The following KLHL8 variants were observed in gnomAD, a reference collection of about 807,000 sequenced individuals.
The protein encoded by KLHL8 is kelch-like protein 8.
Under a neutral mutation model 63.5 loss-of-function variants are expected in KLHL8, and 38 were observed. The ratio of observed to expected loss-of-function variants is 0.60; its 90% confidence interval spans 0.46 to 0.78. KLHL8 has a LOEUF of 0.78. Ranked by LOEUF, KLHL8 falls within the 30% of genes least tolerant of loss-of-function variation. The pLI is 0.00. For missense variants in KLHL8, 566 were observed against 752.4 expected (o/e 0.75, Z 2.90); for synonymous variants, 224 against 254.3 (o/e 0.88, Z 1.13).
chr4:87,189,836 T>C, intron 2 of KLHL8, among the ~76,000 whole-genome samples: 1 of 151,634 alleles, frequency 6.6e-6, no homozygotes, highest in East Asian at 1.9e-4. Flanking sequence ...GAGACCATCC[T>C]GGCTAACATG....
rs763617321 is a variant in KLHL8, at chr4:87,178,592, A to C, written c.981T>G (p.Gly327=). ...AGVLFCVGGR[G]GSGDPFRSIE... ...TACTGCGAAAGGGGTCACCAGATCC[A>C]CCTCGACCACCTACACAAAACAGCA... is the stretch of plus-strand genomic sequence containing the variant. The change falls in exon 5 of 10, where the codon GGT becomes GGG. Residue 327 remains glycine (G), a synonymous_variant. Coordinates refer to ENST00000273963, the MANE Select transcript of KLHL8 (RefSeq NM_020803.5). 1.2e-6 allele frequency: 2 copies of C among 1,604,610 alleles called. No homozygotes were observed. Among genetic ancestry groups the C allele is most frequent in the East Asian group, 4.5e-5 (2 of 44,208 alleles).
rs1296150960 is a variant in KLHL8 at position 87,161,470 on chromosome 4, T to C, written c.*2049A>G. The C allele has an allele frequency of 6.6e-6, 1 of 152,162 alleles. No homozygotes were observed. The highest frequency in any genetic ancestry group is 2.4e-5 in the African/African-American group (1 of 41,440). The allele number at this position is 152,162 out of a possible 1,614,324, so 9.4% of individuals were successfully genotyped here. A position where few individuals can be genotyped will look rare whatever the true frequency, so the allele number is the denominator to read the frequency against. ...ACCAACTTAGTATGTTAGATAACCA[T>C]TGTATAGTAAAAACCAGAAATGAAA... On this transcript the variant is annotated 3_prime_UTR_variant, in exon 10 of 10. Transcript: ENST00000273963.
intron 1 of KLHL8, chr4:87,207,825 C>A: frequency 1.6e-6 from 2 of 1,217,726 alleles, no homozygotes; most frequent in Admixed American, 1.7e-5. Context: ...ACCTGACCTG[C>A]CATCTGGAAA....
At chr4:87,218,980 C>T (rs1732711877) in intron 1 of KLHL8, among the ~76,000 whole-genome samples, 3 of 151,896 alleles carry the variant, frequency 2.0e-5, no homozygotes, top group African/African-American at 7.3e-5. Context: ...CAAGTGATCC[C>T]CCCGCCTCAA....
At chr4:87,174,964 T>G (rs940027339) in intron 6 of KLHL8, among the ~76,000 whole-genome samples, 28 of 152,336 alleles carry the variant, frequency 1.8e-4, no homozygotes, top group African/African-American at 6.7e-4. Flanking sequence ...GTAAGTTTTC[T>G]TGTCTCCAGA....
chr4:87,178,411 T>A, intron 5 of KLHL8, 66 bp downstream of exon 5: 1 of 1,424,276 alleles, frequency 7.0e-7, no homozygotes, highest in South Asian at 1.4e-5. Flanking sequence ...AAATAAATTC[T>A]CAGAGTTGAA....
chr4:87,179,600 C>G (rs1430477834), intron 4 of KLHL8, among the ~76,000 whole-genome samples: 4 of 151,690 alleles, frequency 2.6e-5, no homozygotes, highest in Admixed American at 2.6e-4. Context: ...CAGAACAAGA[C>G]CCCTATCTCT....
chr4:87,212,128 T>C (rs1732428197), intron 1 of KLHL8, among the ~76,000 whole-genome samples: 1 of 152,194 alleles, frequency 6.6e-6, no homozygotes, highest in Non-Finnish European at 1.5e-5. Context: ...ATAAAATTGG[T>C]AGGGCTGTCA....
At chr4:87,228,591 C>T (rs372975264) in intron 1 of KLHL8, among the ~76,000 whole-genome samples, 3 of 152,302 alleles carry the variant, frequency 2.0e-5, no homozygotes, top group African/African-American at 7.2e-5. Flanking sequence ...GCCAAGTGGC[C>T]TGCCCAGCCT....
intron 1 of KLHL8, among the ~76,000 whole-genome samples, chr4:87,217,654 T>TA (rs1732653387): frequency 6.6e-6 from 1 of 151,264 alleles, no homozygotes; most frequent in Non-Finnish European, 1.5e-5. Context: ...CCTCTTTTTT[T>TA]TTTTTTTTTT....
chr4:87,207,751 G>A, intron 1 of KLHL8: 1 of 858,182 alleles, frequency 1.2e-6, no homozygotes. Context: ...GGCCCTCTCT[G>A]AGCTGAATGG....
rs537366833 is a variant in KLHL8, at chr4:87,164,874, C to A, written c.1538-795G>T. On this transcript the variant is annotated intron_variant, in intron 8 of 9. Transcript: ENST00000273963. ...TATAAAAACAAGGTCAGAGGCCGGG[C>A]GCGGTGGCTCACGCCTGTAATCCCA... Among the ~76,000 whole-genome samples the A allele has an allele frequency of 2.0e-5, 3 of 152,150 alleles. No individual in the cohort carries two copies. The East Asian group carries it at 5.8e-4, about 29-fold the overall frequency.
rs1244814639 is a variant in KLHL8 at position 87,195,628 on chromosome 4, T to C, written c.-89A>G. On this transcript the variant is annotated 5_prime_UTR_variant, in exon 2 of 10. Coordinates refer to ENST00000273963, the MANE Select transcript of KLHL8 (RefSeq NM_020803.5). ...GTAGAGAGAAGGCAGAAGGTAGATG[T>C]AGACACTACAATTCAGACGTTTTTC... 13 of 1,034,746 alleles carry C rather than the reference T, an allele frequency of 1.3e-5. No homozygotes were observed. The East Asian group carries it at 1.7e-4, about 13-fold the overall frequency. The allele number at this position is 1,034,746 out of a possible 1,614,324, so 64.1% of individuals were successfully genotyped here. A position where few individuals can be genotyped will look rare whatever the true frequency, so the allele number is the denominator to read the frequency against.
chr4:87,193,404 C>T (rs1731569034), intron 2 of KLHL8, among the ~76,000 whole-genome samples: 1 of 152,226 alleles, frequency 6.6e-6, no homozygotes, highest in Non-Finnish European at 1.5e-5. Context: ...ATGGAGCTGT[C>T]ATCTCCTATA....
upstream of KLHL8, chr4:87,220,712 C>T (rs1014419788): frequency 6.6e-6 from 1 of 152,290 alleles, no homozygotes; most frequent in Non-Finnish European, 1.5e-5. Context: ...CGGCCTCGCC[C>T]CCGCGGCTCC....
At chr4:87,177,378 A>G (rs1730868416) in intron 5 of KLHL8, among the ~76,000 whole-genome samples, 1 of 151,938 alleles carries the variant, frequency 6.6e-6, no homozygotes, top group Non-Finnish European at 1.5e-5. Context: ...GTGGTGGTGG[A>G]CACCTGTAAT....
In KLHL8 at chr4:87,183,279, G is replaced by A; in HGVS notation, c.876C>T (p.Tyr292=). The change falls in exon 4 of 10, where the codon TAC becomes TAT. Residue 292 remains tyrosine, a synonymous_variant. Coordinates refer to ENST00000273963, the MANE Select transcript of KLHL8 (RefSeq NM_020803.5). ...CTGCTCTGCTACTCAAGTGAAGGTG[G>A]TAATTTCTTGCTTCATCCAGTAAAT... ...CRDLLDEARN[Y]HLHLSSRAVP... is the part of the protein sequence containing the mutation. 4.3e-6 allele frequency: 7 copies of A among 1,613,744 alleles called. No individual in the cohort carries two copies. Among genetic ancestry groups the A allele is most frequent in the Non-Finnish European group, 5.9e-6 (7 of 1,179,784 alleles).
chr4:87,198,291 G>A (rs1432540927), intron 1 of KLHL8, among the ~76,000 whole-genome samples: 1 of 152,186 alleles, frequency 6.6e-6, no homozygotes, highest in Non-Finnish European at 1.5e-5. Context: ...CTGCACTCCA[G>A]CCTGGACAAC....
Position 87,211,499 on chromosome 4 carries a change from A to T in KLHL8, c.-152+8919T>A, listed in dbSNP as rs530341722. Among the ~76,000 whole-genome samples the T allele has an allele frequency of 5.9e-5, 9 of 152,340 alleles. No individual in the cohort carries two copies. In the South Asian group the frequency reaches 1.2e-3, roughly 21 times the overall value. On this transcript the variant is annotated intron_variant, in intron 1 of 9. Coordinates refer to ENST00000273963, the MANE Select transcript of KLHL8 (RefSeq NM_020803.5). ...AAATTACTGCCGTGACTTTAAAAAA[A>T]TGTTTTTCTTGGCCAGGCACAGTGG... is the stretch of plus-strand genomic sequence containing the variant.
Sources: allele counts gnomAD v4.1 joint callset (sites outside exome capture counted in the v4.1 genomes callset), GRCh38; gene constraint gnomAD v4.1.1; transcripts MANE v1.5; gene names NCBI Gene and HGNC (gene_info 2026-07-23, HGNC 2026-07-21).